SDCCAG8: variants seen among roughly 807,000 people sequenced by gnomAD.
The protein encoded by SDCCAG8 is serologically defined colon cancer antigen 8.
In SDCCAG8, 74 loss-of-function variants were observed where a neutral mutation model predicts 101.8. That is an observed-to-expected ratio of 0.73 (90% CI 0.60 to 0.88). The LOEUF is 0.88. Ranked by LOEUF, SDCCAG8 falls within the 40% of genes least tolerant of loss-of-function variation. SDCCAG8 has a pLI of 0.00. For missense variants in SDCCAG8, 787 were observed against 822.6 expected (o/e 0.96, Z 0.53); for synonymous variants, 281 against 292.9 (o/e 0.96, Z 0.41).
intron 16 of SDCCAG8, among the ~76,000 whole-genome samples, chr1:243,449,642 G>A (rs537180299): frequency 9.2e-5 from 14 of 152,312 alleles, no homozygotes; most frequent in African/African-American, 3.4e-4. Context: ...CCGACGTCTG[G>A]AAGTGCCCCA....
intron 17 of SDCCAG8, among the ~76,000 whole-genome samples, chr1:243,494,282 A>G (rs1002600525): frequency 6.6e-6 from 1 of 152,218 alleles, no homozygotes; most frequent in Non-Finnish European, 1.5e-5. Context: ...ACACTGATAC[A>G]TTCCCAGAAA....
intron 16 of SDCCAG8, among the ~76,000 whole-genome samples, chr1:243,481,840 G>A (rs1387812773): frequency 6.6e-6 from 1 of 152,148 alleles, no homozygotes; most frequent in Non-Finnish European, 1.5e-5. Flanking sequence ...ACTGTAGTCC[G>A]TAGGTAGCTC....
At position 243,264,740 on chromosome 1, in the gene SDCCAG8, A is replaced by G. The variant is rs1314837624; in HGVS notation, c.68-5365A>G. 2.6e-5 allele frequency among the ~76,000 whole-genome samples: 4 copies of G among 152,336 alleles called. No individual in the cohort carries two copies. In the East Asian group the frequency reaches 5.8e-4, roughly 22 times the overall value. On this transcript the variant is annotated intron_variant, in intron 1 of 17. Coordinates refer to ENST00000366541, the MANE Select transcript of SDCCAG8 (RefSeq NM_006642.5). ...TGGATAGTGCATTAGCAGAAATATTATCTACTTGCACTTACGTTCATGTGA... is the reference window on the plus strand; with the variant it reads ...TGGATAGTGCATTAGCAGAAATATTGTCTACTTGCACTTACGTTCATGTGA...
intron 7 of SDCCAG8, chr1:243,305,491 G>T (rs904784159): frequency 3.9e-5 from 6 of 151,928 alleles, no homozygotes; most frequent in Non-Finnish European, 5.9e-5. Context: ...TTGTATACAT[G>T]ATGAATTTGA....
chr1:243,475,639 T>C (rs1398174120), intron 16 of SDCCAG8, among the ~76,000 whole-genome samples: 1 of 152,146 alleles, frequency 6.6e-6, no homozygotes, highest in Admixed American at 6.5e-5. Context: ...ACCCAAGGCT[T>C]ATGCACACAG....
At chr1:243,319,745 A>T (rs1481200294) in intron 9 of SDCCAG8, among the ~76,000 whole-genome samples, 1 of 152,108 alleles carries the variant, frequency 6.6e-6, no homozygotes, top group Non-Finnish European at 1.5e-5. Context: ...AAATGTTTGA[A>T]TTTCCATGTT....
intron 8 of SDCCAG8, among the ~76,000 whole-genome samples, chr1:243,312,725 AT>A (rs199693075): frequency 2.0e-5 from 3 of 150,176 alleles, no homozygotes; most frequent in African/African-American, 4.9e-5. Context: ...AAAAAAAAAA[AT>A]AATGGCTTGT....
At position 243,458,860 on chromosome 1, in the gene SDCCAG8, G is replaced by A. The variant is rs993484499; in HGVS notation, c.1986-30154G>A. Among the ~76,000 whole-genome samples, 1 of 152,180 alleles carries A rather than the reference G, an allele frequency of 6.6e-6. No homozygotes were observed. The highest frequency in any genetic ancestry group is 1.5e-5 in the Non-Finnish European group (1 of 68,036). ...TAAACTGCCACTGTTTTCCTACAAG[G>A]GACGTCTGATCAGTTTCTGAATTGA... On this transcript the variant is annotated intron_variant, in intron 16 of 17. Coordinates refer to ENST00000366541, the MANE Select transcript of SDCCAG8 (RefSeq NM_006642.5). The surrounding 1 kb of genome is among the most constrained non-coding windows in gnomAD (Gnocchi z 4.5).
At chr1:243,495,504 C>T (rs976406935) in intron 17 of SDCCAG8, among the ~76,000 whole-genome samples, 3 of 152,194 alleles carry the variant, frequency 2.0e-5, no homozygotes, top group Non-Finnish European at 4.4e-5. Flanking sequence ...TGGCCGCTGC[C>T]CTGCGATGGC....
intron 12 of SDCCAG8, among the ~76,000 whole-genome samples, chr1:243,363,214 A>T (rs1013962835): frequency 3.9e-5 from 6 of 152,204 alleles, no homozygotes; most frequent in Non-Finnish European, 8.8e-5. Context: ...GTTCTAATTG[A>T]TGTTTAAGAA....
At chr1:243,274,010 T>G (rs2068308991) in intron 3 of SDCCAG8, among the ~76,000 whole-genome samples, 1 of 152,174 alleles carries the variant, frequency 6.6e-6, no homozygotes, top group Admixed American at 6.5e-5. Flanking sequence ...TTGCTAAAAA[T>G]AAATACCTGA....
intron 16 of SDCCAG8, among the ~76,000 whole-genome samples, chr1:243,482,162 C>G (rs1024996346): frequency 1.3e-5 from 2 of 152,174 alleles, no homozygotes; most frequent in Non-Finnish European, 2.9e-5. Flanking sequence ...CAGCTTGCAC[C>G]GCTTCTGTTT....
rs954965182 is a variant in SDCCAG8, at chr1:243,371,436, T to C, written c.1474-7285T>C. ...AAAACAGGAATAGGATACTTATTTTTATATGGTTGTCATGAACACAGAATG... is the reference window on the plus strand; with the variant it reads ...AAAACAGGAATAGGATACTTATTTTCATATGGTTGTCATGAACACAGAATG... On this transcript the variant is annotated intron_variant, in intron 12 of 17. Coordinates refer to ENST00000366541, the MANE Select transcript of SDCCAG8 (RefSeq NM_006642.5). Among the ~76,000 whole-genome samples, 5 of 152,120 alleles carry C rather than the reference T, an allele frequency of 3.3e-5. No individual in the cohort carries two copies. The East Asian group carries it at 9.6e-4, about 29-fold the overall frequency.
intron 6 of SDCCAG8, among the ~76,000 whole-genome samples, chr1:243,304,220 A>G (rs1387111084): frequency 6.6e-6 from 1 of 152,210 alleles, no homozygotes; most frequent in East Asian, 1.9e-4. Context: ...AGTTCAAGCC[A>G]CCTTCATCTT....
intron 16 of SDCCAG8, among the ~76,000 whole-genome samples, chr1:243,468,896 C>T (rs1660677492): frequency 2.0e-5 from 3 of 152,138 alleles, no homozygotes; most frequent in East Asian, 1.9e-4. Flanking sequence ...AAAAGTACTT[C>T]GTATATGCTC....
intron 10 of SDCCAG8, among the ~76,000 whole-genome samples, chr1:243,339,706 C>A (rs2075273695): frequency 6.6e-6 from 1 of 152,112 alleles, no homozygotes; most frequent in African/African-American, 2.4e-5. Context: ...AAGGCAGACA[C>A]CTATCTTCGT....
intron 1 of SDCCAG8, among the ~76,000 whole-genome samples, chr1:243,263,896 A>G (rs1449879092): frequency 6.6e-6 from 1 of 152,216 alleles, no homozygotes; most frequent in East Asian, 1.9e-4. Context: ...TTGGTCCCCT[A>G]GTAAACAGTG....
At chr1:243,450,906 G>A (rs185387725) in intron 16 of SDCCAG8, among the ~76,000 whole-genome samples, 168 of 152,260 alleles carry the variant, frequency 1.1e-3, no homozygotes, top group African/African-American at 3.9e-3. Flanking sequence ...TGATCCTTCC[G>A]CCTCGGCCTC....
intron 16 of SDCCAG8, among the ~76,000 whole-genome samples, chr1:243,468,121 C>T (rs1014184134): frequency 4.6e-5 from 7 of 152,178 alleles, no homozygotes; most frequent in African/African-American, 1.7e-4. Context: ...CCACTTACTA[C>T]CCCTGTGAAC....
Sources: allele counts gnomAD v4.1 joint callset (sites outside exome capture counted in the v4.1 genomes callset), GRCh38; gene constraint gnomAD v4.1.1; non-coding constraint Gnocchi (gnomAD v3.1); transcripts MANE v1.5; gene names NCBI Gene and HGNC (gene_info 2026-07-23, HGNC 2026-07-21).